CNIH1: variants seen among roughly 807,000 people sequenced by gnomAD.
CNIH1 encodes the protein protein cornichon homolog 1.
Under a neutral mutation model 20.2 loss-of-function variants are expected in CNIH1, and 12 were observed. That is an observed-to-expected ratio of 0.59 (90% confidence interval 0.38 to 0.96). The LOEUF (loss-of-function observed/expected upper bound fraction) is 0.96, where lower values mean the gene tolerates loss of function less well. CNIH1 is among the 40% of genes least tolerant of loss of function. CNIH1 has a pLI of 0.00. For synonymous variants in CNIH1, 69 were observed against 63.3 expected, an observed-to-expected ratio of 1.09 and a Z score of -0.43; for missense variants, 152 against 178.8, an observed-to-expected ratio of 0.85 and a Z score of 0.85.
intron 1 of CNIH1, among the ~76,000 whole-genome samples, chr14:54,438,568 T>C (rs2031101510): frequency 6.6e-6 from 1 of 152,260 alleles, no homozygotes; most frequent in Non-Finnish European, 1.5e-5. Context: ...CTCCCGACTC[T>C]ATTCTCCACA....
intron 2 of CNIH1, among the ~76,000 whole-genome samples, chr14:54,434,565 G>T (rs1301270918): frequency 6.6e-6 from 1 of 152,082 alleles, no homozygotes; most frequent in African/African-American, 2.4e-5. Flanking sequence ...ACCTACCTCA[G>T]GATTGTCATG....
intron 1 of CNIH1, among the ~76,000 whole-genome samples, chr14:54,440,957 G>A (rs558241570): frequency 2.7e-3 from 405 of 151,574 alleles, no homozygotes; most frequent in Non-Finnish European, 3.5e-3. Flanking sequence ...CGAACGCAGC[G>A]CGGAACCGCG....
At chr14:54,441,144 A>C in intron 1 of CNIH1, 103 bp downstream of exon 1, 10 of 1,153,228 alleles carry the variant, frequency 8.7e-6, no homozygotes, top group Admixed American at 8.8e-5. Flanking sequence ...CGCATCCCCG[A>C]CGCGCAAAGC....
In CNIH1 at chr14:54,423,968, G is replaced by A. The variant is rs1427924977; in HGVS notation, c.*3846C>T. ...TTAATACTATTTTCCAAAATCAGCA[G>A]AACAAGCTGCAGTTACTTCTTTTAG... On this transcript the variant is annotated 3_prime_UTR_variant, in exon 5 of 5. Transcript: ENST00000216416. The A allele has an allele frequency of 6.6e-6, 1 of 152,160 alleles. No homozygotes were observed. 9.4% of individuals were successfully genotyped at this position (152,160 alleles called of 1,614,324 possible). A position where few individuals can be genotyped will look rare whatever the true frequency, so the allele number is the denominator to read the frequency against.
chr14:54,424,251 G>A lies in CNIH1; in HGVS notation c.*3563C>T, dbSNP rs112182164. 61 of 152,306 alleles carry A rather than the reference G, an allele frequency of 4.0e-4. No individual in the cohort carries two copies. Among genetic ancestry groups the A allele is most frequent in the African/African-American group, 1.4e-3 (58 of 41,572 alleles). 9.4% of individuals were successfully genotyped at this position (152,306 alleles called of 1,614,324 possible). A position where few individuals can be genotyped will look rare whatever the true frequency, so the allele number is the denominator to read the frequency against. ...AATAGTTTCCAAAAAGGATGAACAT[G>A]AGTACTTTTATGAGCAATGCTAGAT... On this transcript the variant is annotated 3_prime_UTR_variant, in exon 5 of 5. Coordinates refer to ENST00000216416, the MANE Select transcript of CNIH1 (RefSeq NM_005776.3).
rs185492812 is a variant in CNIH1, at chr14:54,432,181, C to T, written c.190G>A (p.Val64Ile). 1.3e-6 allele frequency: 2 copies of T among 1,563,848 alleles called. No individual in the cohort carries two copies. Among genetic ancestry groups the T allele is most frequent in the Non-Finnish European group, 1.7e-6 (2 of 1,153,348 alleles). ...CACTCTGCTGCACAAAGAAACATGACACAGAAGAAAGCGTGGATGAGGTAC... is the reference window on the plus strand; with the variant it reads ...CACTCTGCTGCACAAAGAAACATGATACAGAAGAAAGCGTGGATGAGGTAC... ...PEYLIHAFFC[V>I]MFLCAAEWLT... The change falls in exon 3 of 5, where the codon GTC becomes ATC. Residue 64 changes from valine to isoleucine, a missense_variant. Physicochemically the swap from Val to Ile is conservative, Grantham distance 29. Around this residue, in one of 3 missense-constraint regions of CNIH1, gnomAD observed 97 missense variants for 100.6 expected, o/e 0.96. Transcript: ENST00000216416.
rs1402476327 is a variant in CNIH1 at position 54,436,374 on chromosome 14, T to G, written c.145A>C (p.Asn49His). The change falls in exon 2 of 5, where the codon AAT (asparagine) becomes CAT (histidine). Residue 49 changes from asparagine to histidine, a missense_variant. By Grantham distance (68) the Asn-to-His change is moderately conservative. Coordinates refer to ENST00000216416, the MANE Select transcript of CNIH1 (RefSeq NM_005776.3). ...KNPIDQCNTL[N>H]PLVLPEYLIH... is the part of the protein sequence containing the mutation. ...AATCCTATATTATAACTTACGGGAT[T>G]CAGGGTATTACACTGGTCTATAGGA... 3 of 1,505,774 alleles carry G rather than the reference T, an allele frequency of 2.0e-6. No homozygotes were observed. Among genetic ancestry groups the G allele is most frequent in the Non-Finnish European group, 2.8e-6 (3 of 1,084,960 alleles). 93.3% of individuals were successfully genotyped at this position (1,505,774 alleles called of 1,614,324 possible).
intron 4 of CNIH1, 83 bp downstream of exon 4, chr14:54,430,178 T>C (rs1594616177): frequency 7.2e-7 from 1 of 1,384,600 alleles, no homozygotes; most frequent in East Asian, 2.3e-5. Flanking sequence ...TTCAAATGGA[T>C]TTTGAGGTGT....
chr14:54,428,866 C>T (rs1158620962), intron 4 of CNIH1, among the ~76,000 whole-genome samples: 2 of 152,138 alleles, frequency 1.3e-5, no homozygotes, highest in Admixed American at 6.5e-5. Context: ...TACCTTTTTC[C>T]TAAATTTCAG....
intron 2 of CNIH1, chr14:54,436,048 T>C (rs542838844): frequency 1.1e-5 from 8 of 701,912 alleles, no homozygotes; most frequent in African/African-American, 1.0e-4. Context: ...GAATATAGCA[T>C]TAAAACATTT....
At chr14:54,432,794 C>T (rs1411872013) in intron 2 of CNIH1, among the ~76,000 whole-genome samples, 1 of 152,132 alleles carries the variant, frequency 6.6e-6, no homozygotes, top group African/African-American at 2.4e-5. Context: ...AGGGGAAGAA[C>T]ACTAATATGC....
At chr14:54,432,666 T>C (rs1180459390) in intron 2 of CNIH1, among the ~76,000 whole-genome samples, 2 of 152,238 alleles carry the variant, frequency 1.3e-5, no homozygotes, top group Non-Finnish European at 2.9e-5. Context: ...ATCAGTGTTT[T>C]TAAGCCTTTA....
chr14:54,439,189 AAACT>A (rs1328477777), intron 1 of CNIH1, among the ~76,000 whole-genome samples: 3 of 152,240 alleles, frequency 2.0e-5, no homozygotes, highest in African/African-American at 7.2e-5. Context: ...AGAAAAATTA[AAACT>A]ATCTATTTAT....
chr14:54,432,202 G>T lies in CNIH1; in HGVS notation c.169C>A (p.Leu57Ile). 1 of 1,545,826 alleles carries T rather than the reference G, an allele frequency of 6.5e-7. No homozygotes were observed. The highest frequency in any genetic ancestry group is 1.4e-5 in the African/African-American group (1 of 73,152). Residue 57 changes from leucine (L) to isoleucine (I), a missense_variant, in exon 3 of 5, where the codon CTC becomes ATC. Physicochemically the swap from Leu to Ile is conservative, Grantham distance 5 (BLOSUM62 2). Around this residue, in one of 3 missense-constraint regions of CNIH1, gnomAD observed 97 missense variants for 100.6 expected, o/e 0.96. Transcript: ENST00000216416. ...ATGACACAGAAGAAAGCGTGGATGAGGTACTCTGGGAGTACAAGCTGGAAG... is the reference window on the plus strand; with the variant it reads ...ATGACACAGAAGAAAGCGTGGATGATGTACTCTGGGAGTACAAGCTGGAAG... ...TLNPLVLPEY[L>I]IHAFFCVMFL...
chr14:54,430,441 G>A, intron 3 of CNIH1, 37 bp from the exon 4 acceptor site: 4 of 1,569,834 alleles, frequency 2.5e-6, no homozygotes, highest in Non-Finnish European at 3.5e-6. Context: ...TTCAGAAAGG[G>A]CAGTAAATGT....
Position 54,436,385 on chromosome 14 carries a change from C to T in CNIH1, c.134G>A (p.Cys45Tyr). The change falls in exon 2 of 5, where the codon TGT becomes TAT. Residue 45 changes from cysteine to tyrosine, a missense_variant. Cys to Tyr is a radical substitution (Grantham distance 194). Transcript: ENST00000216416. ...KTDYKNPIDQ[C>Y]NTLNPLVLPE... The stretch of plus-strand genomic sequence containing the variant: ...ATAACTTACGGGATTCAGGGTATTA[C>T]ACTGGTCTATAGGATTCTTGTAATC... The T allele has an allele frequency of 6.5e-7, 1 of 1,548,402 alleles. No homozygotes were observed. Among genetic ancestry groups the T allele is most frequent in the Non-Finnish European group, 8.9e-7 (1 of 1,121,704 alleles).
rs1016491325 is a variant in CNIH1, at chr14:54,431,840, G to A, written c.263+268C>T. On this transcript the variant is annotated intron_variant, in intron 3 of 4. Transcript: ENST00000216416. The stretch of plus-strand genomic sequence containing the variant: ...GGGTGGTAGTTTAACAGGTGTATAC[G>A]TATGTAAAAATTCATTGAGCTATAT... 7.2e-5 allele frequency among the ~76,000 whole-genome samples: 11 copies of A among 152,190 alleles called. No homozygotes were observed. In the East Asian group the frequency reaches 7.7e-4, roughly 11 times the overall value.
chr14:54,430,197 T>A (rs2030905859), intron 4 of CNIH1, 64 bp downstream of exon 4: 6 of 1,540,400 alleles, frequency 3.9e-6, no homozygotes, highest in Non-Finnish European at 5.3e-6. Flanking sequence ...GTGAAAACCA[T>A]AATGCCTGCA....
chr14:54,439,427 A>T (rs937568299), intron 1 of CNIH1, among the ~76,000 whole-genome samples: 1 of 152,118 alleles, frequency 6.6e-6, no homozygotes, highest in South Asian at 2.1e-4. Context: ...AAACGTAAAA[A>T]TGTGAAAAAG....
Sources: allele counts gnomAD v4.1 joint callset (sites outside exome capture counted in the v4.1 genomes callset), GRCh38; gene constraint gnomAD v4.1.1; regional missense constraint gnomAD v4.1.1; transcripts MANE v1.5; gene names NCBI Gene and HGNC (gene_info 2026-07-23, HGNC 2026-07-21).